The following FMN1 variants were observed in gnomAD, a reference collection of about 807,000 sequenced individuals.
The protein encoded by FMN1 is formin-1.
In FMN1, 110 loss-of-function variants were observed where a neutral mutation model predicts 132.4. That is an observed-to-expected ratio of 0.83 (90% CI 0.71 to 0.97). FMN1 has a LOEUF of 0.97. Among genes scored for constraint, FMN1 ranks in the 50% least tolerant of loss-of-function variants. The probability of loss-of-function intolerance (pLI) is 0.00; values close to 1 mark genes in which losing one functional copy is unlikely to be tolerated. For synonymous variants in FMN1, 722 were observed against 651.7 expected (o/e 1.11, Z -1.64); for missense variants, 1,792 against 1,705.3 (o/e 1.05, Z -0.90).
intron 3 of FMN1, among the ~76,000 whole-genome samples, chr15:33,158,869 G>A (rs1964781684): frequency 6.6e-6 from 1 of 152,182 alleles, no homozygotes. Flanking sequence ...GCAATGTGAT[G>A]GAGAAGAGAT....
intron 4 of FMN1, among the ~76,000 whole-genome samples, chr15:33,134,640 A>G (rs558820598): frequency 6.6e-6 from 1 of 152,340 alleles, no homozygotes; most frequent in Admixed American, 6.5e-5. Context: ...AGAAGAAAGA[A>G]AAGAACTATG....
intron 12 of FMN1, among the ~76,000 whole-genome samples, chr15:32,907,294 GA>G (rs1474786197): frequency 1.3e-5 from 2 of 152,140 alleles, no homozygotes; most frequent in African/African-American, 2.4e-5. Context: ...CCTGCAACTA[GA>G]TGGTCCCATC....
chr15:33,052,413 G>A (rs922880972), intron 6 of FMN1, among the ~76,000 whole-genome samples: 7 of 152,142 alleles, frequency 4.6e-5, no homozygotes, highest in East Asian at 1.9e-4. Context: ...GCAAATACAC[G>A]TGCATGGAAT....
chr15:32,790,020 A>G (rs1209937748), intron 19 of FMN1, among the ~76,000 whole-genome samples: 3 of 115,758 alleles, frequency 2.6e-5, no homozygotes, highest in East Asian at 2.6e-4. Flanking sequence ...CGTTTCTCAC[A>G]ATGTATCCCG....
At chr15:32,806,159 T>C (rs941029362) in intron 17 of FMN1, among the ~76,000 whole-genome samples, 7 of 152,198 alleles carry the variant, frequency 4.6e-5, no homozygotes, top group African/African-American at 1.7e-4. Context: ...ATTCCTTTAA[T>C]TTAGGGCTAC....
At chr15:33,098,413 C>A (rs1290765496) in intron 4 of FMN1, among the ~76,000 whole-genome samples, 1 of 152,180 alleles carries the variant, frequency 6.6e-6, no homozygotes, top group Admixed American at 6.5e-5. Flanking sequence ...CCTCTCTAGG[C>A]TTCCAGAACA....
chr15:32,825,085 A>G (rs563564113), intron 17 of FMN1, among the ~76,000 whole-genome samples: 1 of 152,314 alleles, frequency 6.6e-6, no homozygotes, highest in African/African-American at 2.4e-5. Context: ...CTTCGAAAAC[A>G]TAGTCTTGAA....
chr15:32,852,671 TA>T (rs1352720480), intron 17 of FMN1, among the ~76,000 whole-genome samples: 3 of 152,232 alleles, frequency 2.0e-5, no homozygotes, highest in African/African-American at 4.8e-5. Context: ...ACTTGTCCAA[TA>T]TTTTTTTATA....
At chr15:33,065,648 T>G (rs536891819) in intron 5 of FMN1, among the ~76,000 whole-genome samples, 81 of 152,358 alleles carry the variant, frequency 5.3e-4, no homozygotes, top group Non-Finnish European at 4.6e-4. Flanking sequence ...GTTTTTTAAC[T>G]GCAGTCTGAG....
chr15:33,073,866 G>A (rs1211060361), intron 5 of FMN1, among the ~76,000 whole-genome samples: 1 of 152,010 alleles, frequency 6.6e-6, no homozygotes, highest in Non-Finnish European at 1.5e-5. Flanking sequence ...GAGCACCTGG[G>A]ATTATAGTTG....
rs933487129 is a variant in FMN1, at chr15:32,848,797, G to A, written c.3928+8218C>T. On this transcript the variant is annotated intron_variant, in intron 17 of 20. Transcript: ENST00000616417. ...CCAAATTTATAACAAATCTGCATAC[G>A]CCTATGAACCTCATCTGCCTATTTT... 9.9e-5 allele frequency among the ~76,000 whole-genome samples: 15 copies of A among 152,102 alleles called. No individual in the cohort carries two copies. The South Asian group carries it at 1.5e-3, about 15-fold the overall frequency.
intron 17 of FMN1, among the ~76,000 whole-genome samples, chr15:32,833,182 T>C (rs184525732): frequency 2.7e-4 from 41 of 152,336 alleles, no homozygotes; most frequent in African/African-American, 9.1e-4. Context: ...ATTCCTCTAC[T>C]GACAGCTACC....
chr15:33,018,493 C>A (rs935635475), intron 6 of FMN1, among the ~76,000 whole-genome samples: 1 of 152,064 alleles, frequency 6.6e-6, no homozygotes, highest in Non-Finnish European at 1.5e-5. Flanking sequence ...CCGTGAGAAC[C>A]CAAGAGGACT....
intron 7 of FMN1, among the ~76,000 whole-genome samples, chr15:33,001,566 T>TTTCCC (rs1566811180): frequency 1.0e-5 from 1 of 96,684 alleles, no homozygotes; most frequent in South Asian, 4.9e-4. Flanking sequence ...TCCTCCCACT[T>TTTCCC]CCCCCCCCAC....
At chr15:33,173,662 C>G (rs1965409995) in intron 3 of FMN1, among the ~76,000 whole-genome samples, 1 of 152,232 alleles carries the variant, frequency 6.6e-6, no homozygotes, top group Admixed American at 6.5e-5. Context: ...GGCACGGTGG[C>G]TCACGCCTGT....
chr15:32,971,587 TTCATTCTAATGACTAGTTCGGTTCTG>T (rs1176206125), intron 7 of FMN1, among the ~76,000 whole-genome samples: 4 of 152,200 alleles, frequency 2.6e-5, no homozygotes, highest in Admixed American at 1.3e-4. Context: ...ACATTTTAAT[TTCATTCTAATGACTAGTTCGGTTCTG>T]TCACAACAAA....
intron 7 of FMN1, among the ~76,000 whole-genome samples, chr15:32,969,736 A>T (rs1028095467): frequency 1.1e-4 from 16 of 152,248 alleles, no homozygotes; most frequent in Non-Finnish European, 2.4e-4. Flanking sequence ...ATTAAGGCTT[A>T]AAGTACATCT....
At chr15:32,797,121 C>T (rs181453768) in intron 19 of FMN1, among the ~76,000 whole-genome samples, 74 of 152,212 alleles carry the variant, frequency 4.9e-4, no homozygotes, top group South Asian at 4.2e-4. Context: ...TTCTGGATAC[C>T]ACCTCTATGA....
chr15:33,184,352 T>C (rs1965805059), intron 2 of FMN1, among the ~76,000 whole-genome samples: 1 of 152,200 alleles, frequency 6.6e-6, no homozygotes, highest in Admixed American at 6.5e-5. Flanking sequence ...AGAAAAAATA[T>C]GGCAAGATAT....
Sources: gnomAD v4.1 joint callset for allele counts (sites outside exome capture counted in the v4.1 genomes callset) on GRCh38, gnomAD v4.1.1 for gene constraint, MANE v1.5 for transcripts, NCBI Gene and HGNC (gene_info 2026-07-23, HGNC 2026-07-21) for gene names.